GJB7: variants seen among roughly 807,000 people sequenced by gnomAD.
GJB7 encodes the protein gap junction protein beta 7.
For synonymous variants in GJB7, 87 were observed against 95.2 expected (o/e 0.91, Z 0.50); for missense variants, 253 against 256.8 (o/e 0.99, Z 0.10).
At chr6:87,310,904 GA>G (rs1776506255) in intron 2 of GJB7, among the ~76,000 whole-genome samples, 1 of 152,078 alleles carries the variant, frequency 6.6e-6, no homozygotes, top group African/African-American at 2.4e-5. Context: ...ACTTTCAGAA[GA>G]AAACACAGAA....
chr6:87,298,784 C>T lies in GJB7; in HGVS notation c.-27-13845G>A, dbSNP rs1170405252. 5 of 259,572 alleles carry T rather than the reference C, an allele frequency of 1.9e-5. No individual in the cohort carries two copies. In the South Asian group the frequency reaches 2.8e-4, roughly 14 times the overall value. 16.1% of individuals were successfully genotyped at this position (259,572 alleles called of 1,614,324 possible). Reference sequence around the variant, plus strand: ...CCATCCGACAGAAATGCTTCAATTACCCACAGTCTTGCCAGATGAGACCGG... The same window carrying T: ...CCATCCGACAGAAATGCTTCAATTATCCACAGTCTTGCCAGATGAGACCGG... On this transcript the variant is annotated intron_variant, in intron 2 of 2. Coordinates refer to ENST00000525899, the MANE Select transcript of GJB7 (RefSeq NM_198568.3).
At chr6:87,302,014 C>T (rs1313001700) in intron 2 of GJB7, among the ~76,000 whole-genome samples, 4 of 152,138 alleles carry the variant, frequency 2.6e-5, no homozygotes, top group African/African-American at 9.7e-5. Flanking sequence ...ACATCCACAC[C>T]AAAACCCCAT....
intron 2 of GJB7, among the ~76,000 whole-genome samples, chr6:87,308,494 G>T (rs903065612): frequency 1.3e-5 from 2 of 152,116 alleles, no homozygotes; most frequent in Non-Finnish European, 2.9e-5. Flanking sequence ...CAAATCAGTA[G>T]AAAATGTCAC....
chr6:87,304,087 T>C (rs560641336), intron 2 of GJB7, among the ~76,000 whole-genome samples: 16 of 152,134 alleles, frequency 1.1e-4, no homozygotes, highest in African/African-American at 3.9e-4. Context: ...AGATCCAAAA[T>C]TGACACCCTA....
At chr6:87,320,992 G>A (rs1437475808) in intron 2 of GJB7, among the ~76,000 whole-genome samples, 2 of 152,182 alleles carry the variant, frequency 1.3e-5, no homozygotes, top group Non-Finnish European at 2.9e-5. Context: ...GCCGAGGTGG[G>A]TGGATTGCCT....
At chr6:87,317,874 C>A (rs1223480478) in intron 2 of GJB7, among the ~76,000 whole-genome samples, 1 of 102,798 alleles carries the variant, frequency 9.7e-6, no homozygotes, top group Non-Finnish European at 2.2e-5. Flanking sequence ...TGATAATAAA[C>A]TTATGCTTTT....
rs796298596 is a variant in GJB7, at chr6:87,312,523, C to CA, written c.-28+10342dup. ...GAGACTCTGTCTACAAAAAAAAAAA[C>CA]AAAAAAAAAACTGGAGGTGGTCAAG... On this transcript the variant is annotated intron_variant, in intron 2 of 2. Coordinates refer to ENST00000525899, the MANE Select transcript of GJB7 (RefSeq NM_198568.3). Among the ~76,000 whole-genome samples the CA allele has an allele frequency of 3.5e-3, 498 of 143,840 alleles. 3 individuals carry two copies. Among genetic ancestry groups the CA allele is most frequent in the African/African-American group, 8.0e-3 (307 of 38,512 alleles). 94.4% of individuals were successfully genotyped at this position (143,840 alleles called of 152,430 possible). A position where few individuals can be genotyped will look rare whatever the true frequency, so the allele number is the denominator to read the frequency against.
chr6:87,285,997 G>A (rs972669604), intron 2 of GJB7, among the ~76,000 whole-genome samples: 7 of 152,112 alleles, frequency 4.6e-5, no homozygotes, highest in African/African-American at 1.4e-4. Flanking sequence ...CTTCAGACTT[G>A]AGTTCTATAC....
chr6:87,292,474 A>T (rs1776190498), intron 2 of GJB7, among the ~76,000 whole-genome samples: 2 of 152,176 alleles, frequency 1.3e-5, no homozygotes, highest in East Asian at 1.9e-4. Context: ...ATACTATTAT[A>T]AAAAAAGCTA....
At chr6:87,320,146 C>T (rs1322977543) in intron 2 of GJB7, among the ~76,000 whole-genome samples, 1 of 151,854 alleles carries the variant, frequency 6.6e-6, no homozygotes, top group East Asian at 1.9e-4. Flanking sequence ...GTTGATTGTA[C>T]ATTTAAAAAT....
At position 87,323,044 on chromosome 6, in the gene GJB7, C is replaced by G. The variant is rs909238166; in HGVS notation, c.-205-1G>C. ...TGCGGACACTCGTGCTTTTTCAGCC[C>G]TGCAACACAATGTGTAGAACTTAAC... On this transcript the variant is annotated splice_acceptor_variant, in intron 1 of 2. Coordinates refer to ENST00000525899, the MANE Select transcript of GJB7 (RefSeq NM_198568.3). LOFTEE classifies it low-confidence loss of function (5UTR_SPLICE). 1 of 141,640 alleles carries G rather than the reference C, an allele frequency of 7.1e-6. No individual in the cohort carries two copies. Among genetic ancestry groups the G allele is most frequent in the Admixed American group, 6.7e-5 (1 of 14,868 alleles). The allele number at this position is 141,640 out of a possible 1,614,324, so 8.8% of individuals were successfully genotyped here.
At chr6:87,325,006 C>T (rs1224511055) in intron 1 of GJB7, among the ~76,000 whole-genome samples, 3 of 151,812 alleles carry the variant, frequency 2.0e-5, no homozygotes, top group African/African-American at 7.3e-5. Context: ...AGTTGGATTC[C>T]TAGGTATTTT....
intron 2 of GJB7, among the ~76,000 whole-genome samples, chr6:87,320,766 C>G (rs1035253503): frequency 1.3e-5 from 2 of 152,204 alleles, no homozygotes; most frequent in East Asian, 1.9e-4. Flanking sequence ...GAGTTAAGCT[C>G]TGCCTGAAGA....
At chr6:87,298,298 A>G (rs984087255) in intron 2 of GJB7, among the ~76,000 whole-genome samples, 2 of 152,220 alleles carry the variant, frequency 1.3e-5, no homozygotes, top group Non-Finnish European at 2.9e-5. Flanking sequence ...CACCTTCTCT[A>G]TTTCCCTTAG....
rs775212030 is a variant in GJB7 at position 87,283,989 on chromosome 6, T to C, written c.*252A>G. ...AAACAATGAGACCTCTGTCTAGAGC[T>C]CATAACTGAAAGCATATTGACAATG... On this transcript the variant is annotated 3_prime_UTR_variant, in exon 3 of 3. Transcript: ENST00000525899. 2 of 447,890 alleles carry C rather than the reference T, an allele frequency of 4.5e-6. No individual in the cohort carries two copies. The highest frequency in any genetic ancestry group is 8.1e-6 in the Non-Finnish European group (2 of 247,512). The allele number at this position is 447,890 out of a possible 1,614,324, so 27.7% of individuals were successfully genotyped here.
intron 1 of GJB7, among the ~76,000 whole-genome samples, chr6:87,324,330 A>G (rs1345760811): frequency 2.6e-5 from 4 of 152,220 alleles, no homozygotes; most frequent in Non-Finnish European, 5.9e-5. Flanking sequence ...TGTTTTAGAC[A>G]TGAAGTCCTT....
At chr6:87,317,838 TC>T (rs1181762311) in intron 2 of GJB7, among the ~76,000 whole-genome samples, 1 of 152,120 alleles carries the variant, frequency 6.6e-6, no homozygotes, top group Non-Finnish European at 1.5e-5. Context: ...CCAAAAATTT[TC>T]CTGCTAACCT....
intron 2 of GJB7, among the ~76,000 whole-genome samples, chr6:87,314,211 T>C (rs1371339273): frequency 1.3e-5 from 2 of 152,242 alleles, no homozygotes; most frequent in African/African-American, 2.4e-5. Context: ...AGAACATTGA[T>C]ACTGGCATTT....
chr6:87,301,319 T>C (rs1219336714), intron 2 of GJB7, among the ~76,000 whole-genome samples: 3 of 152,066 alleles, frequency 2.0e-5, no homozygotes, highest in Non-Finnish European at 4.4e-5. Flanking sequence ...GAAAATCGGG[T>C]CACTCCCAGC....
Sources: allele counts gnomAD v4.1 joint callset (sites outside exome capture counted in the v4.1 genomes callset), GRCh38; gene constraint gnomAD v4.1.1; transcripts MANE v1.5; gene names NCBI Gene and HGNC (gene_info 2026-07-23, HGNC 2026-07-21).